Variants in TTLL13 observed in about 807,000 individuals in gnomAD.
The protein encoded by TTLL13 is tubulin tyrosine ligase like 13.
chr15:90,261,589 T>G, the TTLL13 span, among the ~76,000 whole-genome samples: 5 of 151,812 alleles, frequency 3.3e-5, no homozygotes, highest in East Asian at 9.9e-4. Context: ...GGTCCGGCCT[T>G]GCCAACGTGG....
At chr15:90,256,565 CTT>C in the TTLL13 span, among the ~76,000 whole-genome samples, 3 of 39,458 alleles carry the variant, frequency 7.6e-5, no homozygotes, top group African/African-American at 2.3e-4. Flanking sequence ...TTCTTTCTTT[CTT>C]TCTTTCTTTC....
At chr15:90,251,215 G>A in the TTLL13 span, among the ~76,000 whole-genome samples, 3 of 144,496 alleles carry the variant, frequency 2.1e-5, no homozygotes, top group African/African-American at 7.7e-5. Context: ...CCGGGTTCAG[G>A]CCATTCTCCT....
chr15:90,264,894 T>C, the TTLL13 span: 1 of 1,536,018 alleles, frequency 6.5e-7, no homozygotes, highest in Non-Finnish European at 8.7e-7. Flanking sequence ...GCAGCCAAGG[T>C]TCCCCTCTGC....
chr15:90,253,582 C>T, the TTLL13 span, among the ~76,000 whole-genome samples: 1 of 152,164 alleles, frequency 6.6e-6, no homozygotes, highest in Admixed American at 6.6e-5. Flanking sequence ...CTGGTGGGCA[C>T]ATCCTATCTC....
chr15:90,260,534 G>A, the TTLL13 span, among the ~76,000 whole-genome samples: 1 of 151,476 alleles, frequency 6.6e-6, no homozygotes, highest in Non-Finnish European at 1.5e-5. Flanking sequence ...AAATATTGTT[G>A]CATTATTTCA....
chr15:90,254,117 C>T, the TTLL13 span, among the ~76,000 whole-genome samples: 1 of 151,746 alleles, frequency 6.6e-6, no homozygotes. Context: ...CACTTGAACC[C>T]AGGAGGTGGA....
chr15:90,265,271 G>A, the TTLL13 span: 1 of 1,252,136 alleles, frequency 8.0e-7, no homozygotes, highest in Non-Finnish European at 1.0e-6. Context: ...GGTGCGGCCC[G>A]GGGCTGGAGG....
the TTLL13 span, chr15:90,250,884 G>C: frequency 6.2e-7 from 1 of 1,613,286 alleles, no homozygotes; most frequent in Non-Finnish European, 8.5e-7. Context: ...AGGCGGAAAC[G>C]CAGGTAACTA....
At chr15:90,253,236 CCT>C in the TTLL13 span, 65 of 1,607,886 alleles carry the variant, frequency 4.0e-5, no homozygotes, top group Non-Finnish European at 5.3e-5. Flanking sequence ...TACTGATCTC[CCT>C]GTCTCTGCAG....
At chr15:90,250,011 G>A in the TTLL13 span, among the ~76,000 whole-genome samples, 1 of 151,838 alleles carries the variant, frequency 6.6e-6, no homozygotes, top group Admixed American at 6.6e-5. Context: ...AGGCTGGAGT[G>A]CAGTGGTGTG....
chr15:90,262,938 C>T, the TTLL13 span: 1 of 1,528,964 alleles, frequency 6.5e-7, no homozygotes, highest in Non-Finnish European at 8.7e-7. Flanking sequence ...CTTGGAGATC[C>T]TGCATTTATC....
chr15:90,255,930 A>G, the TTLL13 span: 3 of 1,613,194 alleles, frequency 1.9e-6, no homozygotes, highest in Non-Finnish European at 1.7e-6. Flanking sequence ...GGGGGAGGAA[A>G]AGGGTCGCTC....
chr15:90,264,574 C>A, the TTLL13 span: 2 of 909,722 alleles, frequency 2.2e-6, no homozygotes, highest in Non-Finnish European at 3.2e-6. Context: ...ACATACCATA[C>A]CAATTACAAT....
chr15:90,257,553 G>A, the TTLL13 span: 1 of 1,270,216 alleles, frequency 7.9e-7, no homozygotes, highest in Non-Finnish European at 1.1e-6. Flanking sequence ...CCTCGGGAGG[G>A]GTGGGGAGCA....
the TTLL13 span, chr15:90,253,430 C>T: frequency 7.9e-7 from 1 of 1,272,488 alleles, no homozygotes; most frequent in Non-Finnish European, 1.1e-6. Flanking sequence ...ATTCCCACCT[C>T]CTTGCCCAGG....
chr15:90,263,883 G>C, the TTLL13 span: 1 of 1,107,452 alleles, frequency 9.0e-7, no homozygotes, highest in East Asian at 2.6e-5. Flanking sequence ...CAATCCCCAG[G>C]ATCTTAGGGG....
At chr15:90,257,515 T>A in the TTLL13 span, 1 of 1,037,544 alleles carries the variant, frequency 9.6e-7, no homozygotes, top group Non-Finnish European at 1.4e-6. Context: ...AGCAGTCCTC[T>A]GGTGGAGAGA....
At chr15:90,258,044 G>A in the TTLL13 span, 1 of 1,614,014 alleles carries the variant, frequency 6.2e-7, no homozygotes, top group Non-Finnish European at 8.5e-7. Context: ...GCAGGAAGCT[G>A]TCGACACTCA....
the TTLL13 span, among the ~76,000 whole-genome samples, chr15:90,264,230 C>T: frequency 6.6e-6 from 1 of 152,214 alleles, no homozygotes; most frequent in South Asian, 2.1e-4. Flanking sequence ...CACGCTCTGT[C>T]GCCAAGGCTG....
Sources: allele counts gnomAD v4.1 joint callset (sites outside exome capture counted in the v4.1 genomes callset), GRCh38; gene constraint gnomAD v4.1.1; transcripts MANE v1.5; gene names NCBI Gene and HGNC (gene_info 2026-07-23, HGNC 2026-07-21).